PCDH9: variants seen among roughly 807,000 people sequenced by gnomAD.
PCDH9 encodes the protein protocadherin 9, also known as protocadherin-9.
A neutral mutation model predicts 70.6 loss-of-function variants in PCDH9; 24 were observed. That is an observed-to-expected ratio of 0.34 (90% confidence interval 0.25 to 0.48). The LOEUF (loss-of-function observed/expected upper bound fraction) is 0.48, where lower values mean the gene tolerates loss of function less well. Ranked by LOEUF, PCDH9 falls within the 20% of genes least tolerant of loss-of-function variation. The pLI is 0.99. For missense variants in PCDH9, 1,281 were observed against 1,503.6 expected (o/e 0.85, Z 2.45); for synonymous variants, 562 against 558.5 (o/e 1.01, Z -0.09).
At chr13:66,960,637 T>C (rs1014558716) in intron 2 of PCDH9, among the ~76,000 whole-genome samples, 13 of 152,320 alleles carry the variant, frequency 8.5e-5, no homozygotes, top group Non-Finnish European at 1.5e-4. Flanking sequence ...GTAAATATTT[T>C]AGCCATTGAT....
chr13:66,781,926 A>T lies in PCDH9; in HGVS notation c.3138+121578T>A, dbSNP rs183704887. The stretch of plus-strand genomic sequence containing the variant: ...TAGGCACTCTGAAAATCTGCCCCAA[A>T]CACCTGTGGTTCTTTATTAAGAGCT... On this transcript the variant is annotated intron_variant, in intron 3 of 4. Transcript: ENST00000377865. Among the ~76,000 whole-genome samples, 714 of 152,192 alleles carry T rather than the reference A, an allele frequency of 4.7e-3. 6 individuals carry two copies. Among genetic ancestry groups the T allele is most frequent in the South Asian group, 0.014 (68 of 4,816 alleles).
At chr13:66,756,463 G>T (rs1323603902) in intron 3 of PCDH9, among the ~76,000 whole-genome samples, 1 of 152,118 alleles carries the variant, frequency 6.6e-6, no homozygotes, top group Non-Finnish European at 1.5e-5. Flanking sequence ...TTGGCAAATG[G>T]ATCCATAACT....
intron 3 of PCDH9, among the ~76,000 whole-genome samples, chr13:66,874,735 C>T (rs2081766246): frequency 1.3e-5 from 2 of 152,124 alleles, no homozygotes; most frequent in African/African-American, 4.8e-5. Flanking sequence ...ACATAATTCT[C>T]ATTTAACAAG....
intron 4 of PCDH9, among the ~76,000 whole-genome samples, chr13:66,471,195 A>G (rs1958612928): frequency 6.6e-6 from 1 of 152,028 alleles, no homozygotes; most frequent in African/African-American, 2.4e-5. Flanking sequence ...AAAAGGACTG[A>G]TCAGTTCGTA....
At chr13:66,521,265 TTAGAAAC>T (rs1293283715) in intron 4 of PCDH9, among the ~76,000 whole-genome samples, 127 of 152,270 alleles carry the variant, frequency 8.3e-4, no homozygotes, top group Non-Finnish European at 1.6e-3. Context: ...AGTAATGTGG[TTAGAAAC>T]ATGAAAGATT....
intron 4 of PCDH9, among the ~76,000 whole-genome samples, chr13:66,425,345 T>C (rs1957650254): frequency 6.6e-6 from 1 of 151,698 alleles, no homozygotes. Flanking sequence ...ACATACAATC[T>C]AGACTGACTC....
intron 4 of PCDH9, among the ~76,000 whole-genome samples, chr13:66,553,623 G>A (rs1299782779): frequency 6.6e-6 from 1 of 152,120 alleles, no homozygotes; most frequent in Non-Finnish European, 1.5e-5. Flanking sequence ...TGTGATTTGA[G>A]TGAATGCCAG....
Position 67,226,773 on chromosome 13 carries a change from C to T in PCDH9, c.1668G>A (p.Ala556=), listed in dbSNP as rs150534834. 4.0e-5 allele frequency: 65 copies of T among 1,613,962 alleles called. No homozygotes were observed. Among genetic ancestry groups the T allele is most frequent in the Non-Finnish European group, 4.8e-5 (57 of 1,180,002 alleles). The stretch of plus-strand genomic sequence containing the variant: ...CATCCAGAACAGTAACAATCACAGC[C>T]GCTTGGCTTTGGAGGGGAGGGGTCC... The part of the protein sequence containing the change: ...DNGTPPLQSQ[A]AVIVTVLDEN... The change falls in exon 2 of 5, where the codon GCG becomes GCA. Residue 556 remains alanine (A), a synonymous_variant. Coordinates refer to ENST00000377865, the MANE Select transcript of PCDH9 (RefSeq NM_203487.3). This position sits in a 1 kb window ranked among gnomAD's most constrained non-coding sequence, Gnocchi z 5.0.
chr13:66,743,405 T>G, intron 3 of PCDH9, among the ~76,000 whole-genome samples: 3 of 142,056 alleles, frequency 2.1e-5, no homozygotes, highest in East Asian at 2.2e-4. Context: ...GATGACGAGT[T>G]AGTGGGTGCA....
chr13:66,716,011 A>G (rs1189477567), intron 3 of PCDH9, among the ~76,000 whole-genome samples: 5 of 152,218 alleles, frequency 3.3e-5, no homozygotes, highest in African/African-American at 9.6e-5. Context: ...AACCACTCCA[A>G]TTGTGGTTGG....
intron 4 of PCDH9, among the ~76,000 whole-genome samples, chr13:66,338,733 A>T (rs1427485784): frequency 6.6e-6 from 1 of 152,110 alleles, no homozygotes; most frequent in East Asian, 1.9e-4. Flanking sequence ...CACTGGGCTG[A>T]TGGATGTACA....
intron 2 of PCDH9, among the ~76,000 whole-genome samples, chr13:67,039,592 G>T (rs1193813327): frequency 5.3e-5 from 8 of 152,178 alleles, no homozygotes; most frequent in African/African-American, 1.9e-4. Flanking sequence ...TTGGTGTTCA[G>T]CTTTCCATTG....
chr13:67,098,146 A>G (rs951365521), intron 2 of PCDH9, among the ~76,000 whole-genome samples: 1 of 152,200 alleles, frequency 6.6e-6, no homozygotes, highest in African/African-American at 2.4e-5. Context: ...CAGCGGGAAC[A>G]ACAACAAAAG....
intron 3 of PCDH9, among the ~76,000 whole-genome samples, chr13:66,775,011 A>T (rs1414298203): frequency 6.6e-6 from 1 of 152,210 alleles, no homozygotes; most frequent in African/African-American, 2.4e-5. Flanking sequence ...TTCTATCTGC[A>T]TGATGATTAA....
chr13:66,914,319 A>C (rs2082521872), intron 2 of PCDH9: 1 of 151,898 alleles, frequency 6.6e-6, no homozygotes, highest in Non-Finnish European at 1.5e-5. Context: ...CTGTCTTTTG[A>C]ATTACTTCCT....
chr13:66,634,931 A>G (rs774103257), intron 3 of PCDH9, among the ~76,000 whole-genome samples: 11 of 152,160 alleles, frequency 7.2e-5, no homozygotes, highest in Non-Finnish European at 1.6e-4. Context: ...GGGGTGGGAA[A>G]GACTAAAAAC....
At chr13:66,418,258 T>G (rs926646501) in intron 4 of PCDH9, among the ~76,000 whole-genome samples, 1 of 152,222 alleles carries the variant, frequency 6.6e-6, no homozygotes, top group Non-Finnish European at 1.5e-5. Flanking sequence ...ATTTATAAAA[T>G]AGGGAATCCT....
At chr13:66,830,490 T>C (rs760172134) in intron 3 of PCDH9, among the ~76,000 whole-genome samples, 2 of 152,212 alleles carry the variant, frequency 1.3e-5, no homozygotes, top group Admixed American at 6.5e-5. Context: ...GCAACATTAA[T>C]ACATGCATAT....
chr13:66,783,404 T>C (rs1220649440), intron 3 of PCDH9, among the ~76,000 whole-genome samples: 1 of 152,064 alleles, frequency 6.6e-6, no homozygotes, highest in Non-Finnish European at 1.5e-5. Flanking sequence ...GCCAAAAAAA[T>C]TAACAGACAC....
Sources: gnomAD v4.1 joint callset for allele counts (sites outside exome capture counted in the v4.1 genomes callset) on GRCh38, gnomAD v4.1.1 for gene constraint, Gnocchi (gnomAD v3.1) non-coding constraint, MANE v1.5 for transcripts, NCBI Gene and HGNC (gene_info 2026-07-23, HGNC 2026-07-21) for gene names.